SYDE2: variants seen among roughly 807,000 people sequenced by gnomAD.
The protein encoded by SYDE2 is rho GTPase-activating protein SYDE2.
A neutral mutation model predicts 91.5 loss-of-function variants in SYDE2; 76 were observed. That is an observed-to-expected ratio of 0.83 (90% confidence interval 0.69 to 1.01). The LOEUF (loss-of-function observed/expected upper bound fraction) is 1.01, where lower values mean the gene tolerates loss of function less well. Among genes scored for constraint, SYDE2 ranks in the 50% least tolerant of loss-of-function variants. The pLI, the probability that SYDE2 is intolerant of heterozygous loss-of-function variation, is 0.00. For missense variants in SYDE2, 1,364 were observed against 1,367.7 expected, an observed-to-expected ratio of 1.00 and a Z score of 0.04; for synonymous variants, 513 against 506.4, an observed-to-expected ratio of 1.01 and a Z score of -0.18.
chr1:85,152,867 A>T (rs1024867701), downstream of SYDE2: 1 of 152,220 alleles, frequency 6.6e-6, no homozygotes, highest in African/African-American at 2.4e-5. Flanking sequence ...TTTTCTTCTT[A>T]AATTTGGTTT....
At chr1:85,187,364 C>T (rs201426719) in intron 2 of SYDE2, among the ~76,000 whole-genome samples, 7,151 of 152,100 alleles carry the variant, frequency 0.047, 258 homozygotes, top group East Asian at 0.17. Flanking sequence ...AGTCAGGAAA[C>T]AACAGGTGCT....
Position 85,164,661 on chromosome 1 carries a change from G to C in SYDE2, c.2950C>G (p.Pro984Ala). 1.3e-6 allele frequency: 2 copies of C among 1,572,010 alleles called. No individual in the cohort carries two copies. The highest frequency in any genetic ancestry group is 1.7e-6 in the Non-Finnish European group (2 of 1,158,740). Residue 984 changes from proline to alanine, a missense_variant, in exon 6 of 7, where the codon CCA becomes GCA. By Grantham distance (27) the Pro-to-Ala change is conservative. Transcript: ENST00000341460. ...TCQNLAVCFGPVLLSQRQEPS... is the reference protein window; with the variant it reads ...TCQNLAVCFGAVLLSQRQEPS... ...TCTTGCCTCTGACTTAATAATACTG[G>C]TCCAAAGCACACAGCCAAATTCTGG... is the stretch of plus-strand genomic sequence containing the variant.
intron 3 of SYDE2, 110 bp downstream of exon 3, chr1:85,181,988 G>A (rs1031399475): frequency 1.8e-5 from 21 of 1,163,200 alleles, no homozygotes; most frequent in Admixed American, 6.5e-5. Context: ...GAATAGGAAT[G>A]GTAAAATATC....
downstream of SYDE2, among the ~76,000 whole-genome samples, chr1:85,155,537 G>A (rs2100637537): frequency 6.6e-6 from 1 of 152,210 alleles, no homozygotes; most frequent in South Asian, 2.1e-4. Context: ...AACCATTAAA[G>A]TATGCAAAAG....
rs1477506984 is a variant in SYDE2, at chr1:85,200,410, T to A, written c.587A>T (p.Tyr196Phe). The A allele has an allele frequency of 1.2e-6, 2 of 1,614,008 alleles. No individual in the cohort carries two copies. Among genetic ancestry groups the A allele is most frequent in the African/African-American group, 1.3e-5 (1 of 75,046 alleles). ...VTVKKLQKWMYKGRLLSLGMK... is the reference protein window; with the variant it reads ...VTVKKLQKWMFKGRLLSLGMK... ...TCCCAGGGACAGCAGACGCCCTTTGTACATCCACTTCTGCAGCTTCTTGAC... is the reference window on the plus strand; with the variant it reads ...TCCCAGGGACAGCAGACGCCCTTTGAACATCCACTTCTGCAGCTTCTTGAC... Residue 196 changes from tyrosine (Y) to phenylalanine (F), a missense_variant, in exon 1 of 7, where the codon TAC becomes TTC. By Grantham distance (22) the Tyr-to-Phe change is conservative. Coordinates refer to ENST00000341460, the MANE Select transcript of SYDE2 (RefSeq NM_032184.2).
intron 2 of SYDE2, among the ~76,000 whole-genome samples, chr1:85,187,795 T>C (rs1422685137): frequency 2.0e-5 from 3 of 147,040 alleles, no homozygotes; most frequent in African/African-American, 7.6e-5. Context: ...ATGTTCTCAC[T>C]CATAGGTGGG....
intron 4 of SYDE2, among the ~76,000 whole-genome samples, chr1:85,173,021 G>A (rs957563455): frequency 2.0e-5 from 3 of 152,132 alleles, no homozygotes; most frequent in Non-Finnish European, 2.9e-5. Flanking sequence ...CATGGGATAT[G>A]GGTACAGCAC....
At chr1:85,196,682 GA>G (rs1383032934) in intron 1 of SYDE2, among the ~76,000 whole-genome samples, 4 of 150,512 alleles carry the variant, frequency 2.7e-5, no homozygotes, top group Admixed American at 6.6e-5. Context: ...TTTAAAATTA[GA>G]AGACTGTCAA....
In SYDE2 at chr1:85,164,620, G is replaced by T. The variant is rs1657197133; in HGVS notation, c.2991C>A (p.Asn997Lys). 6.2e-7 allele frequency: 1 copy of T among 1,606,464 alleles called. No homozygotes were observed. Among genetic ancestry groups the T allele is most frequent in the Non-Finnish European group, 8.5e-7 (1 of 1,176,232 alleles). ...CTTCTGAATCAGTAAAGACTCTGTT[G>T]TTATGGGTGGAAGGCTCTTGCCTCT... ...LSQRQEPSTH[N>K]NRVFTDSEEL... The change falls in exon 6 of 7, where the codon AAC becomes AAA. Residue 997 changes from asparagine (N) to lysine (K), a missense_variant. Physicochemically the swap from Asn to Lys is moderately conservative, Grantham distance 94. Transcript: ENST00000341460.
chr1:85,200,276 G>C lies in SYDE2; in HGVS notation c.721C>G (p.Pro241Ala), dbSNP rs773805838. 9.9e-6 allele frequency: 16 copies of C among 1,613,816 alleles called. No homozygotes were observed. The highest frequency in any genetic ancestry group is 3.3e-4 in the Middle Eastern group (2 of 6,084). ...VRENRVLSVP[P>A]DQRITLTDLF... ...CCTGTCAGCGTAATTCTTTGGTCTG[G>C]AGGCACCGACAGGACACGGTTTTCA... The change falls in exon 1 of 7, where the codon CCA becomes GCA. Residue 241 changes from proline (P) to alanine (A), a missense_variant. Physicochemically the swap from Pro to Ala is conservative, Grantham distance 27. Coordinates refer to ENST00000341460, the MANE Select transcript of SYDE2 (RefSeq NM_032184.2).
In SYDE2 at chr1:85,157,871, A is replaced by G. The variant is rs1448310156; in HGVS notation, c.*879T>C. The G allele has an allele frequency of 6.6e-6, 1 of 152,206 alleles. No homozygotes were observed. The highest frequency in any genetic ancestry group is 2.4e-5 in the African/African-American group (1 of 41,452). 9.4% of individuals were successfully genotyped at this position (152,206 alleles called of 1,614,324 possible). On this transcript the variant is annotated 3_prime_UTR_variant, in exon 7 of 7. Transcript: ENST00000341460. Reference sequence around the variant, plus strand: ...CATATATGCATTTATAAATATATACAGTTTCAGGATTATAAAAATATTTAA... The same window carrying G: ...CATATATGCATTTATAAATATATACGGTTTCAGGATTATAAAAATATTTAA...
chr1:85,196,361 CA>C (rs1244133576), intron 1 of SYDE2, among the ~76,000 whole-genome samples: 1 of 152,124 alleles, frequency 6.6e-6, no homozygotes, highest in South Asian at 2.1e-4. Flanking sequence ...TGCATTTCAA[CA>C]AAATTTCCAG....
downstream of SYDE2, among the ~76,000 whole-genome samples, chr1:85,155,025 AGAAAAG>A (rs1656846950): frequency 4.3e-5 from 6 of 139,588 alleles, no homozygotes; most frequent in African/African-American, 7.8e-5. Flanking sequence ...AAAAAAAAAA[AGAAAAG>A]AAAAAGAAAA....
intron 5 of SYDE2, 124 bp downstream of exon 5, chr1:85,168,920 T>C: frequency 1.2e-6 from 1 of 827,100 alleles, no homozygotes; most frequent in Non-Finnish European, 2.0e-6. Context: ...AAGGCAGTAA[T>C]GGCAGAGCTT....
At chr1:85,195,524 A>C (rs576370293) in intron 1 of SYDE2, among the ~76,000 whole-genome samples, 2 of 151,842 alleles carry the variant, frequency 1.3e-5, no homozygotes, top group Admixed American at 1.3e-4. Flanking sequence ...GGAAAGAAGC[A>C]CCTTTTTTAT....
In SYDE2 at chr1:85,200,730, G is replaced by C; in HGVS notation, c.267C>G (p.Ser89Arg). The change falls in exon 1 of 7, where the codon AGC (serine) becomes AGG (arginine). Residue 89 changes from serine (S) to arginine (R), a missense_variant. Ser to Arg is a moderately radical substitution (Grantham distance 110, BLOSUM62 -1). Transcript: ENST00000341460. ...MRPSCSRSLE[S>R]LRVGAKPPPF... ...GAGGCGGCTTGGCACCCACCCGGAG[G>C]CTCTCGAGGCTTCTGCTGCAGGACG... is the stretch of plus-strand genomic sequence containing the variant. The C allele has an allele frequency of 2.0e-6, 3 of 1,533,994 alleles. No homozygotes were observed. Among genetic ancestry groups the C allele is most frequent in the Non-Finnish European group, 2.6e-6 (3 of 1,145,566 alleles).
At chr1:85,176,450 C>T (rs930350116) in intron 4 of SYDE2, among the ~76,000 whole-genome samples, 1 of 152,126 alleles carries the variant, frequency 6.6e-6, no homozygotes, top group Non-Finnish European at 1.5e-5. Flanking sequence ...AGTCATTCAG[C>T]ACTCAAAGGG....
rs1048968873 is a variant in SYDE2 at position 85,200,862 on chromosome 1, C to G, written c.135G>C (p.Arg45=). The G allele has an allele frequency of 7.3e-7, 1 of 1,370,190 alleles. No homozygotes were observed. Among genetic ancestry groups the G allele is most frequent in the Admixed American group, 4.0e-5 (1 of 25,092 alleles). 84.9% of individuals were successfully genotyped at this position (1,370,190 alleles called of 1,614,324 possible). ...GTCCGCCGCCTCCCCGCTCCCCGTC[C>G]CGGGGGCAGGCTCGGCGGTACGCGG... ...RGAAYRRACP[R]DGERGGGGRP... The change falls in exon 1 of 7, where the codon CGG becomes CGC. Residue 45 remains arginine (R), a synonymous_variant. Coordinates refer to ENST00000341460, the MANE Select transcript of SYDE2 (RefSeq NM_032184.2).
At position 85,182,099 on chromosome 1, in the gene SYDE2, T is replaced by C. The variant is rs1394307328; in HGVS notation, c.2543A>G (p.Gln848Arg). The C allele has an allele frequency of 1.3e-6, 2 of 1,579,974 alleles. No homozygotes were observed. Among genetic ancestry groups the C allele is most frequent in the Middle Eastern group, 1.7e-4 (1 of 5,846 alleles). Residue 848 changes from glutamine (Q) to arginine (R), a missense_variant and splice_region_variant, in exon 3 of 7, where the codon CAG (glutamine) becomes CGG (arginine). Gln to Arg is a conservative substitution (Grantham distance 43). Coordinates refer to ENST00000341460, the MANE Select transcript of SYDE2 (RefSeq NM_032184.2). The stretch of plus-strand genomic sequence containing the variant: ...TAGGGAACCATAGTAAGATAATACC[T>C]GACAGCCTCTCTTTTCAATTTCCAT... ...CIMEIEKRGC[Q>R]VVGLYRLCGS...
Sources: allele counts gnomAD v4.1 joint callset (sites outside exome capture counted in the v4.1 genomes callset), GRCh38; gene constraint gnomAD v4.1.1; transcripts MANE v1.5; gene names NCBI Gene and HGNC (gene_info 2026-07-23, HGNC 2026-07-21).